The following ASB3 variants were observed in gnomAD, a reference collection of about 807,000 sequenced individuals.
ASB3 encodes ankyrin repeat and SOCS box containing 3, also known as ankyrin repeat and SOCS box protein 3.
Under a neutral mutation model 54.5 loss-of-function variants are expected in ASB3, and 41 were observed. That is an observed-to-expected ratio of 0.75 (90% confidence interval 0.59 to 0.98). ASB3 has a LOEUF of 0.98. Among genes scored for constraint, ASB3 ranks in the 50% least tolerant of loss-of-function variants. The pLI is 0.00. For missense variants in ASB3, 733 were observed against 620.0 expected (o/e 1.18, Z -1.94); for synonymous variants, 266 against 221.2 (o/e 1.20, Z -1.80).
At chr2:53,693,821 C>T (rs2103731701) in intron 9 of ASB3, 63 bp downstream of exon 9, 1 of 1,554,248 alleles carries the variant, frequency 6.4e-7, no homozygotes, top group Non-Finnish European at 8.7e-7. Flanking sequence ...AAAATTACAA[C>T]ACAGCTAGAG....
Position 53,673,594 on chromosome 2 carries a change from G to A in ASB3, c.1370-2904C>T, listed in dbSNP as rs77798873. The stretch of plus-strand genomic sequence containing the variant: ...CCAGTTCGCATTTGTTAGGAGAAGC[G>A]TAACTGACTTGCCCACTGAGATGTG... On this transcript the variant is annotated intron_variant, in intron 9 of 9. Coordinates refer to ENST00000263634, the MANE Select transcript of ASB3 (RefSeq NM_016115.5). Among the ~76,000 whole-genome samples, 9 of 152,238 alleles carry A rather than the reference G, an allele frequency of 5.9e-5. No homozygotes were observed. In the East Asian group the frequency reaches 1.5e-3, roughly 26 times the overall value.
intron 1 of ASB3, among the ~76,000 whole-genome samples, chr2:53,780,830 A>G (rs1024213893): frequency 5.3e-5 from 8 of 152,212 alleles, no homozygotes; most frequent in African/African-American, 1.9e-4. Flanking sequence ...AAGGCAAATT[A>G]CCAATTCAAA....
Position 53,728,877 on chromosome 2 carries a change from A to C in ASB3, c.469-30T>G, listed in dbSNP as rs747938931. 6.1e-5 allele frequency: 94 copies of C among 1,551,940 alleles called. 1 individual carries two copies. The South Asian group carries it at 1.1e-3, about 18-fold the overall frequency. On this transcript the variant is annotated intron_variant, in intron 4 of 9. Transcript: ENST00000263634. Reference sequence around the variant, plus strand: ...AGCACAGATTCACATTTTAAATAAGAAAAAAACAAAGAAAATAGAAGGTAT... The same window carrying C: ...AGCACAGATTCACATTTTAAATAAGCAAAAAACAAAGAAAATAGAAGGTAT...
In ASB3 at chr2:53,729,573, G is replaced by A. The variant is rs1330910119; in HGVS notation, c.356-3C>T. 2.5e-6 allele frequency: 4 copies of A among 1,613,048 alleles called. No individual in the cohort carries two copies. The highest frequency in any genetic ancestry group is 3.3e-5 in the Admixed American group (2 of 59,948). ...ATCTATCTGTCCATTTTCAACAGCT[G>A]TAATACAGCAGTTAGAAAAATTAAT... is the stretch of plus-strand genomic sequence containing the variant. On this transcript the variant is annotated splice_region_variant and splice_polypyrimidine_tract_variant and intron_variant, in intron 3 of 9. Coordinates refer to ENST00000263634, the MANE Select transcript of ASB3 (RefSeq NM_016115.5).
intron 3 of ASB3, among the ~76,000 whole-genome samples, chr2:53,749,478 T>C (rs534204279): frequency 2.0e-5 from 3 of 152,116 alleles, no homozygotes; most frequent in Admixed American, 6.5e-5. Flanking sequence ...AAAACTTATA[T>C]TGATACAAAA....
chr2:53,689,892 T>C (rs973007281), intron 9 of ASB3, among the ~76,000 whole-genome samples: 2 of 152,180 alleles, frequency 1.3e-5, no homozygotes, highest in African/African-American at 2.4e-5. Context: ...ACTCTGATAC[T>C]TCTTAGGTAG....
intron 7 of ASB3, among the ~76,000 whole-genome samples, chr2:53,709,787 A>C (rs1232308224): frequency 6.6e-6 from 1 of 152,178 alleles, no homozygotes; most frequent in Non-Finnish European, 1.5e-5. Context: ...GCTTTTGTAC[A>C]GTCTTTCCAT....
intron 9 of ASB3, among the ~76,000 whole-genome samples, chr2:53,677,763 G>A (rs1259663372): frequency 2.6e-5 from 4 of 151,876 alleles, no homozygotes; most frequent in Non-Finnish European, 5.9e-5. Context: ...TTAAAACATT[G>A]AGAAAAAAAA....
At chr2:53,727,601 A>C (rs2103898712) in intron 5 of ASB3, among the ~76,000 whole-genome samples, 1 of 152,184 alleles carries the variant, frequency 6.6e-6, no homozygotes, top group African/African-American at 2.4e-5. Flanking sequence ...ATACCACTAT[A>C]CTCTAGCCTG....
At chr2:53,706,534 C>G (rs945434238) in intron 7 of ASB3, among the ~76,000 whole-genome samples, 2 of 151,958 alleles carry the variant, frequency 1.3e-5, no homozygotes, top group Non-Finnish European at 2.9e-5. Context: ...CAAGCTCTGC[C>G]TCCCCGGTTC....
At chr2:53,727,129 G>A (rs1308845215) in intron 5 of ASB3, among the ~76,000 whole-genome samples, 5 of 152,154 alleles carry the variant, frequency 3.3e-5, no homozygotes, top group Non-Finnish European at 7.3e-5. Flanking sequence ...TCTTTGACAA[G>A]GCACTTAAAC....
At chr2:53,734,440 TAC>T (rs1460059429) in intron 3 of ASB3, among the ~76,000 whole-genome samples, 1 of 152,248 alleles carries the variant, frequency 6.6e-6, no homozygotes, top group African/African-American at 2.4e-5. Flanking sequence ...TTCTTGAGTC[TAC>T]ATTCAGTGAT....
chr2:53,691,407 T>C (rs1336818010), intron 9 of ASB3, among the ~76,000 whole-genome samples: 2 of 152,174 alleles, frequency 1.3e-5, no homozygotes, highest in African/African-American at 4.8e-5. Context: ...TCTAAGAGTT[T>C]ACTAACAGTG....
At chr2:53,733,623 G>A (rs1262530157) in intron 3 of ASB3, among the ~76,000 whole-genome samples, 1 of 152,100 alleles carries the variant, frequency 6.6e-6, no homozygotes, top group Non-Finnish European at 1.5e-5. Flanking sequence ...TGTATTTTTA[G>A]TAGAGACAGG....
intron 7 of ASB3, among the ~76,000 whole-genome samples, chr2:53,708,672 G>A (rs1669925112): frequency 6.6e-6 from 1 of 152,214 alleles, no homozygotes; most frequent in Admixed American, 6.5e-5. Flanking sequence ...TAAAGGCTGG[G>A]CTGACAAGGT....
At chr2:53,695,490 T>A (rs945541089) in intron 8 of ASB3, among the ~76,000 whole-genome samples, 5 of 152,076 alleles carry the variant, frequency 3.3e-5, no homozygotes, top group African/African-American at 1.2e-4. Context: ...GTTCTTTATT[T>A]TTTTTTTTAA....
chr2:53,765,224 A>G (rs1673370458), intron 2 of ASB3, 153 bp downstream of exon 2: 1 of 684,254 alleles, frequency 1.5e-6, no homozygotes, highest in South Asian at 6.6e-5. Context: ...AAGGCAGGCA[A>G]TCTTACTATC....
intron 2 of ASB3, among the ~76,000 whole-genome samples, chr2:53,760,790 T>G (rs908101536): frequency 2.0e-5 from 3 of 152,200 alleles, no homozygotes; most frequent in African/African-American, 7.2e-5. Context: ...CCCTGGCACT[T>G]CAGGCCTACA....
intron 1 of ASB3, among the ~76,000 whole-genome samples, chr2:53,785,383 A>G (rs887810480): frequency 6.6e-6 from 1 of 152,092 alleles, no homozygotes; most frequent in African/African-American, 2.4e-5. Context: ...CGTCAAATAC[A>G]TCTCTTTTCC....
Sources: gnomAD v4.1 joint callset for allele counts (sites outside exome capture counted in the v4.1 genomes callset) on GRCh38, gnomAD v4.1.1 for gene constraint, MANE v1.5 for transcripts, NCBI Gene and HGNC (gene_info 2026-07-23, HGNC 2026-07-21) for gene names.